The following ACSL5 variants were observed in gnomAD, a reference collection of about 807,000 sequenced individuals.
ACSL5 encodes the protein long-chain-fatty-acid--CoA ligase 5.
ACSL5 carries 50 observed loss-of-function variants against 84.9 expected under a neutral mutation model. The observed-to-expected ratio is 0.59, with a 90% CI of 0.47 to 0.75. ACSL5 has a LOEUF of 0.75. Among genes scored for constraint, ACSL5 ranks in the 30% least tolerant of loss-of-function variants. ACSL5 has a pLI of 0.00. For missense variants in ACSL5, 775 were observed against 830.4 expected (o/e 0.93, Z 0.82); for synonymous variants, 280 against 300.7 (o/e 0.93, Z 0.71).
chr10:112,423,391 C>T (rs1844555145), intron 17 of ACSL5, among the ~76,000 whole-genome samples: 1 of 149,976 alleles, frequency 6.7e-6, no homozygotes, highest in South Asian at 2.1e-4. Flanking sequence ...GAGATGGGGT[C>T]TCGCTGAGTT....
At chr10:112,405,264 G>T (rs926102093) in intron 5 of ACSL5, among the ~76,000 whole-genome samples, 2 of 152,178 alleles carry the variant, frequency 1.3e-5, no homozygotes, top group African/African-American at 4.8e-5. Flanking sequence ...ACAGTAAGAT[G>T]ACAGAATCAA....
Position 112,395,037 on chromosome 10 carries a change from C to A in ACSL5, c.91C>A (p.Leu31Met). 1 of 1,614,094 alleles carries A rather than the reference C, an allele frequency of 6.2e-7. No homozygotes were observed. The change falls in exon 2 of 21, where the codon CTG (leucine) becomes ATG (methionine). Residue 31 changes from leucine to methionine, a missense_variant. Leu to Met is a conservative substitution (Grantham distance 15). Coordinates refer to ENST00000354655, the MANE Select transcript of ACSL5 (RefSeq NM_203379.2). ...ATTTGGAGCTGCCATCTTCTTGTGGCTGATCACCAGACCTCAACCCGTCTT... is the reference window on the plus strand; with the variant it reads ...ATTTGGAGCTGCCATCTTCTTGTGGATGATCACCAGACCTCAACCCGTCTT... ...LTFGAAIFLWLITRPQPVLPL... is the reference protein window; with the variant it reads ...LTFGAAIFLWMITRPQPVLPL...
chr10:112,395,063 A>G lies in ACSL5; in HGVS notation c.117A>G (p.Leu39=), dbSNP rs1218194302. The G allele has an allele frequency of 5.2e-5, 84 of 1,613,814 alleles. No homozygotes were observed. Among genetic ancestry groups the G allele is most frequent in the Non-Finnish European group, 6.9e-5 (82 of 1,180,002 alleles). Residue 39 remains leucine, a synonymous_variant, in exon 2 of 21, where the codon TTA becomes TTG. Transcript: ENST00000354655. The part of the protein sequence containing the change: ...LWLITRPQPV[L]PLLDLNNQSV... ...TGATCACCAGACCTCAACCCGTCTTACCTCTTCTTGACCTGAACAATCAGT... is the reference window on the plus strand; with the variant it reads ...TGATCACCAGACCTCAACCCGTCTTGCCTCTTCTTGACCTGAACAATCAGT...
chr10:112,380,619 A>G (rs1296984275), intron 1 of ACSL5, among the ~76,000 whole-genome samples: 2 of 152,106 alleles, frequency 1.3e-5, no homozygotes, highest in Non-Finnish European at 2.9e-5. Context: ...CATCCAACCT[A>G]ATGAGATGAT....
intron 17 of ACSL5, 112 bp from the exon 18 acceptor site, chr10:112,425,226 T>C: frequency 1.0e-6 from 1 of 973,706 alleles, no homozygotes; most frequent in Non-Finnish European, 1.5e-6. Context: ...AGCTCAAAAG[T>C]CTCTGGAGAA....
At chr10:112,404,887 C>A in intron 5 of ACSL5, 81 bp downstream of exon 5, 1 of 1,233,208 alleles carries the variant, frequency 8.1e-7, no homozygotes, top group Non-Finnish European at 1.2e-6. Context: ...GTCCAGCATT[C>A]CAACACTTGT....
intron 16 of ACSL5, 109 bp downstream of exon 16, chr10:112,422,144 A>C: frequency 1.5e-6 from 2 of 1,313,776 alleles, no homozygotes; most frequent in Non-Finnish European, 2.2e-6. Flanking sequence ...GATTGTTAGC[A>C]AAGAATTAAG....
At chr10:112,375,236 T>C (rs866771320) in intron 1 of ACSL5, 2 of 152,044 alleles carry the variant, frequency 1.3e-5, no homozygotes, top group South Asian at 4.2e-4. Flanking sequence ...ACTAAGCAAA[T>C]GACAAGTGCT....
chr10:112,376,255 G>A, intron 1 of ACSL5: 2 of 1,608,750 alleles, frequency 1.2e-6, no homozygotes, highest in Non-Finnish European at 1.7e-6. Flanking sequence ...GCCTGACTCG[G>A]GACAGCTCAG....
chr10:112,415,368 T>G (rs1459163105), intron 12 of ACSL5, among the ~76,000 whole-genome samples: 1 of 152,082 alleles, frequency 6.6e-6, no homozygotes, highest in Admixed American at 6.5e-5. Context: ...ACCGGCTAAT[T>G]TTTTGTATTT....
intron 5 of ACSL5, among the ~76,000 whole-genome samples, chr10:112,405,805 G>T (rs1049135446): frequency 1.3e-5 from 2 of 152,146 alleles, no homozygotes. Context: ...ATTGTATACT[G>T]CTTTCTTACA....
chr10:112,384,385 C>T (rs1849409490), intron 1 of ACSL5, among the ~76,000 whole-genome samples: 3 of 152,220 alleles, frequency 2.0e-5, no homozygotes, highest in African/African-American at 7.2e-5. Context: ...AACAATGCAA[C>T]ATATACAGCC....
At position 112,408,473 on chromosome 10, in the gene ACSL5, C is replaced by T; in HGVS notation, c.484C>T (p.Leu162=). The T allele has an allele frequency of 6.2e-7, 1 of 1,613,794 alleles. No individual in the cohort carries two copies. Among genetic ancestry groups the T allele is most frequent in the Non-Finnish European group, 8.5e-7 (1 of 1,179,742 alleles). The change falls in exon 6 of 21, where the codon CTG becomes TTG. Residue 162 remains leucine (L), a synonymous_variant. Coordinates refer to ENST00000354655, the MANE Select transcript of ACSL5 (RefSeq NM_203379.2). ...CACGTACTCTATGGTAGCTGTACCTCTGTATGACACCTTGGGACCAGAAGC... is the reference window on the plus strand; with the variant it reads ...CACGTACTCTATGGTAGCTGTACCTTTGTATGACACCTTGGGACCAGAAGC... ...CYTYSMVAVP[L]YDTLGPEAIV... is the part of the protein sequence containing the mutation.
At chr10:112,378,127 A>G (rs923800729) in intron 1 of ACSL5, among the ~76,000 whole-genome samples, 1 of 151,464 alleles carries the variant, frequency 6.6e-6, no homozygotes, top group East Asian at 1.9e-4. Flanking sequence ...GAGATGGAGG[A>G]AGGAGAGAGA....
chr10:112,404,444 C>A, intron 3 of ACSL5, 67 bp from the exon 4 acceptor site: 1 of 1,282,022 alleles, frequency 7.8e-7, no homozygotes, highest in Non-Finnish European at 1.1e-6. Flanking sequence ...TCTTAATCTC[C>A]TTTTAGCTTC....
intron 15 of ACSL5, 130 bp downstream of exon 15, chr10:112,421,795 G>T: frequency 1.5e-6 from 2 of 1,297,750 alleles, no homozygotes; most frequent in Non-Finnish European, 2.2e-6. Flanking sequence ...CAAGTTTTGG[G>T]TCCAGGCCTG....
intron 8 of ACSL5, 37 bp from the exon 9 acceptor site, chr10:112,410,547 T>C: frequency 6.2e-7 from 1 of 1,614,162 alleles, no homozygotes; most frequent in Non-Finnish European, 8.5e-7. Flanking sequence ...ACTCTCAAAG[T>C]TCATGGTGGA....
At position 112,409,521 on chromosome 10, in the gene ACSL5, G is replaced by T; in HGVS notation, c.547G>T (p.Val183Leu). The T allele has an allele frequency of 6.2e-7, 1 of 1,613,448 alleles. No individual in the cohort carries two copies. The highest frequency in any genetic ancestry group is 8.5e-7 in the Non-Finnish European group (1 of 1,179,964). ...HIVNKADIAM[V>L]ICDTPQKALV... ...TTGGCTTCCAGCTGATATCGCCATG[G>T]TGATCTGTGACACACCCCAAAAGGC... Residue 183 changes from valine (V) to leucine (L), a missense_variant, in exon 7 of 21, where the codon GTG becomes TTG. Coordinates refer to ENST00000354655, the MANE Select transcript of ACSL5 (RefSeq NM_203379.2).
intron 14 of ACSL5, chr10:112,419,193 A>T (rs1332691493): frequency 1.3e-5 from 2 of 152,108 alleles, no homozygotes; most frequent in African/African-American, 4.8e-5. Context: ...CTGCAAGTAT[A>T]CAAGGCCTTA....
Sources: allele counts gnomAD v4.1 joint callset (sites outside exome capture counted in the v4.1 genomes callset), GRCh38; gene constraint gnomAD v4.1.1; transcripts MANE v1.5; gene names NCBI Gene and HGNC (gene_info 2026-07-23, HGNC 2026-07-21).